SYNPO2: variants seen among roughly 807,000 people sequenced by gnomAD.
The protein encoded by SYNPO2 is synaptopodin 2, also known as synaptopodin-2.
In SYNPO2, 56 loss-of-function variants were observed where a neutral mutation model predicts 85.0. That is an observed-to-expected ratio of 0.66 (90% CI 0.53 to 0.82). The LOEUF is 0.82. Among genes scored for constraint, SYNPO2 ranks in the 40% least tolerant of loss-of-function variants. The pLI, the probability that SYNPO2 is intolerant of heterozygous loss-of-function variation, is 0.00. For synonymous variants in SYNPO2, 602 were observed against 591.1 expected (o/e 1.02, Z -0.27); for missense variants, 1,575 against 1,534.2 (o/e 1.03, Z -0.44).
upstream of SYNPO2, among the ~76,000 whole-genome samples, chr4:118,888,672 A>T (rs1402702988): frequency 6.6e-6 from 1 of 152,200 alleles, no homozygotes; most frequent in Non-Finnish European, 1.5e-5. Flanking sequence ...AGTGCAAGAT[A>T]ACTTTGGCTC....
At chr4:118,949,681 G>A (rs1734631702) in intron 1 of SYNPO2, among the ~76,000 whole-genome samples, 1 of 151,920 alleles carries the variant, frequency 6.6e-6, no homozygotes, top group South Asian at 2.1e-4. Flanking sequence ...CCCAGGAAGT[G>A]GAGGTTGCAG....
At chr4:118,976,668 T>C (rs984415412) in intron 1 of SYNPO2, among the ~76,000 whole-genome samples, 6 of 152,080 alleles carry the variant, frequency 3.9e-5, no homozygotes, top group Admixed American at 2.6e-4. Context: ...ACACAGGTTC[T>C]CCAAGGCCCC....
intron 1 of SYNPO2, among the ~76,000 whole-genome samples, chr4:119,022,512 GTTTTTTTTTTTT>G (rs778146297): frequency 1.8e-3 from 158 of 87,128 alleles, no homozygotes; most frequent in African/African-American, 6.2e-3. Flanking sequence ...TTTTTTGTAG[GTTTTTTTTTTTT>G]TTTTTTTTTT....
At chr4:118,943,310 A>G (rs1224180005) in intron 1 of SYNPO2, among the ~76,000 whole-genome samples, 1 of 152,200 alleles carries the variant, frequency 6.6e-6, no homozygotes, top group Admixed American at 6.5e-5. Flanking sequence ...AGGAGAAAAC[A>G]TTGCAAGCTA....
At chr4:118,994,091 G>A (rs578246440) in intron 1 of SYNPO2, among the ~76,000 whole-genome samples, 1 of 152,338 alleles carries the variant, frequency 6.6e-6, no homozygotes, top group South Asian at 2.1e-4. Flanking sequence ...GCCACACTCT[G>A]ACAAGTAGTT....
intron 1 of SYNPO2, among the ~76,000 whole-genome samples, chr4:118,851,562 C>T (rs11938379): frequency 5.3e-4 from 81 of 152,112 alleles, no homozygotes; most frequent in African/African-American, 1.9e-3. Context: ...TAAGATATAG[C>T]TATCGATATT....
At chr4:118,861,383 C>T (rs903023589) in intron 1 of SYNPO2, among the ~76,000 whole-genome samples, 4 of 151,964 alleles carry the variant, frequency 2.6e-5, no homozygotes, top group South Asian at 2.1e-4. Context: ...ATGTTAGCCA[C>T]GATGGCCTTG....
chr4:118,885,926 C>G (rs975757864), upstream of SYNPO2, among the ~76,000 whole-genome samples: 1 of 152,140 alleles, frequency 6.6e-6, no homozygotes, highest in African/African-American at 2.4e-5. Flanking sequence ...CTGGCTCTAT[C>G]GCTTAGGATT....
intron 1 of SYNPO2, among the ~76,000 whole-genome samples, chr4:118,972,086 C>T (rs559821145): frequency 3.9e-5 from 6 of 152,070 alleles, no homozygotes; most frequent in African/African-American, 7.2e-5. Flanking sequence ...TAACTTCTGA[C>T]GAGAACTTCC....
At chr4:118,928,296 T>C (rs1009732084) in intron 1 of SYNPO2, among the ~76,000 whole-genome samples, 1 of 152,160 alleles carries the variant, frequency 6.6e-6, no homozygotes, top group African/African-American at 2.4e-5. Flanking sequence ...AATCAAAACT[T>C]ATAAAAAGCA....
intron 4 of SYNPO2, chr4:119,032,793 G>A: frequency 1.2e-6 from 1 of 866,196 alleles, no homozygotes. Context: ...GCTGAGGTAG[G>A]AGGACTGCTT....
intron 1 of SYNPO2, among the ~76,000 whole-genome samples, chr4:118,943,458 A>G (rs1473670168): frequency 3.3e-5 from 5 of 152,240 alleles, no homozygotes; most frequent in Non-Finnish European, 7.3e-5. Context: ...CTAAATTAAC[A>G]TAAGTGATGT....
chr4:118,954,336 C>A (rs1404425955), intron 1 of SYNPO2, among the ~76,000 whole-genome samples: 1 of 151,224 alleles, frequency 6.6e-6, no homozygotes, highest in Non-Finnish European at 1.5e-5. Context: ...CTTTTTTTTC[C>A]AGTAACTCCA....
intron 1 of SYNPO2, among the ~76,000 whole-genome samples, chr4:118,966,213 A>G (rs1227513644): frequency 6.6e-6 from 1 of 152,244 alleles, no homozygotes; most frequent in Non-Finnish European, 1.5e-5. Context: ...TTGAGTGGAT[A>G]GAAAGAAACG....
At chr4:118,982,741 C>G (rs1736079131) in intron 1 of SYNPO2, among the ~76,000 whole-genome samples, 1 of 152,158 alleles carries the variant, frequency 6.6e-6, no homozygotes, top group Non-Finnish European at 1.5e-5. Flanking sequence ...AAATAACAGA[C>G]CAATCATTGA....
intron 4 of SYNPO2, among the ~76,000 whole-genome samples, chr4:119,048,962 A>G (rs1052599240): frequency 1.3e-5 from 2 of 152,228 alleles, no homozygotes; most frequent in African/African-American, 4.8e-5. Flanking sequence ...TTTGGCTAGC[A>G]TATTAAGAAT....
chr4:119,004,813 C>G (rs1267216134), intron 1 of SYNPO2, among the ~76,000 whole-genome samples: 1 of 152,050 alleles, frequency 6.6e-6, no homozygotes, highest in Non-Finnish European at 1.5e-5. Context: ...CTGACTTCCA[C>G]AATGATTGAA....
At chr4:119,000,249 G>A (rs1736775923) in intron 1 of SYNPO2, among the ~76,000 whole-genome samples, 1 of 152,192 alleles carries the variant, frequency 6.6e-6, no homozygotes, top group Non-Finnish European at 1.5e-5. Flanking sequence ...GGGGATGTGA[G>A]ATGTGAGGCA....
chr4:119,001,108 C>T (rs1419232609), intron 1 of SYNPO2, among the ~76,000 whole-genome samples: 1 of 152,202 alleles, frequency 6.6e-6, no homozygotes, highest in African/African-American at 2.4e-5. Context: ...TTCTCCTTGG[C>T]TTTGTGCCCC....
Sources: allele counts gnomAD v4.1 joint callset (sites outside exome capture counted in the v4.1 genomes callset), GRCh38; gene constraint gnomAD v4.1.1; transcripts MANE v1.5; gene names NCBI Gene and HGNC (gene_info 2026-07-23, HGNC 2026-07-21).